CUL1: variants seen among roughly 807,000 people sequenced by gnomAD.
CUL1 encodes the protein cullin 1, also known as cullin-1.
A neutral mutation model predicts 118.0 loss-of-function variants in CUL1; 24 were observed. The ratio of observed to expected loss-of-function variants is 0.20; its 90% CI spans 0.15 to 0.29. The LOEUF (loss-of-function observed/expected upper bound fraction) is 0.29. Among genes scored for constraint, CUL1 ranks in the 10% least tolerant of loss-of-function variants. CUL1 has a pLI of 1.00. For synonymous variants in CUL1, 332 were observed against 340.4 expected (o/e 0.98, Z 0.27); for missense variants, 361 against 933.8 (o/e 0.39, Z 7.99).
At chr7:148,720,855 A>G (rs921894635) in intron 1 of CUL1, among the ~76,000 whole-genome samples, 6 of 152,216 alleles carry the variant, frequency 3.9e-5, no homozygotes, top group Non-Finnish European at 2.9e-5. Flanking sequence ...TACTCCTGAA[A>G]TTATTAACTT....
chr7:148,798,116 C>T lies in CUL1; in HGVS notation c.2030+97C>T, dbSNP rs147842088. ...AGTATTGTTACAAACCAAGGGAGAC[C>T]GGGGACTCAGTGTGAAGCGACAGGC... On this transcript the variant is annotated intron_variant, in intron 19 of 21. Transcript: ENST00000325222. 1.9e-3 allele frequency: 1,290 copies of T among 692,412 alleles called. 2 individuals carry two copies. The highest frequency in any genetic ancestry group is 2.7e-3 in the Non-Finnish European group (1,111 of 414,356). 42.9% of individuals were successfully genotyped at this position (692,412 alleles called of 1,614,324 possible). A position where few individuals can be genotyped will look rare whatever the true frequency, so the allele number is the denominator to read the frequency against.
In CUL1 at chr7:148,708,214, C is replaced by G. The variant is rs144489556; in HGVS notation, c.-162+9185C>G. Among the ~76,000 whole-genome samples, 972 of 152,316 alleles carry G rather than the reference C, an allele frequency of 6.4e-3. 7 individuals carry two copies. Among genetic ancestry groups the G allele is most frequent in the Middle Eastern group, 0.01 (3 of 294 alleles). On this transcript the variant is annotated intron_variant, in intron 1 of 21. Coordinates refer to ENST00000325222, the MANE Select transcript of CUL1 (RefSeq NM_003592.3). ...AACTTCAGCTGAGAGCCTTGCAGTC[C>G]TGCTAATAGCCTTCAGGGCTTTTGC...
At chr7:148,739,813 A>G (rs1356951553) in intron 2 of CUL1, among the ~76,000 whole-genome samples, 2 of 152,070 alleles carry the variant, frequency 1.3e-5, no homozygotes, top group Non-Finnish European at 2.9e-5. Context: ...GATCTCAAAT[A>G]TATTTTGTGT....
At chr7:148,791,845 G>A (rs1011858714) in intron 16 of CUL1, among the ~76,000 whole-genome samples, 6 of 152,224 alleles carry the variant, frequency 3.9e-5, no homozygotes, top group East Asian at 1.9e-4. Flanking sequence ...GTGTTCATTC[G>A]CTTGCACACA....
chr7:148,800,819 G>T lies in CUL1; in HGVS notation c.*237G>T. On this transcript the variant is annotated 3_prime_UTR_variant, in exon 22 of 22. Coordinates refer to ENST00000325222, the MANE Select transcript of CUL1 (RefSeq NM_003592.3). This position sits in a 1 kb window ranked among gnomAD's most constrained non-coding sequence, Gnocchi z 4.6. ...TTTACCCTAATTTAAGAACAGCGGG[G>T]ACTGACCCTCCGTGCCGAGGGCTGC... 2.3e-6 allele frequency: 1 copy of T among 433,802 alleles called. No homozygotes were observed. Among genetic ancestry groups the T allele is most frequent in the African/African-American group, 2.0e-5 (1 of 49,408 alleles). The allele number at this position is 433,802 out of a possible 1,614,324, so 26.9% of individuals were successfully genotyped here.
intron 5 of CUL1, 76 bp downstream of exon 5, chr7:148,759,430 C>CA: frequency 6.6e-7 from 1 of 1,515,432 alleles, no homozygotes; most frequent in Non-Finnish European, 9.2e-7. Flanking sequence ...TTTGTCTCGT[C>CA]ACTCCTTCGG....
Position 148,737,575 on chromosome 7 carries a change from TA to T in CUL1, c.140+7314del, listed in dbSNP as rs1206869618. 9.4e-5 allele frequency among the ~76,000 whole-genome samples: 11 copies of T among 116,652 alleles called. No homozygotes were observed. The East Asian group carries it at 2.0e-3, about 22-fold the overall frequency. 76.5% of individuals were successfully genotyped at this position (116,652 alleles called of 152,430 possible). A position where few individuals can be genotyped will look rare whatever the true frequency, so the allele number is the denominator to read the frequency against. ...GTGTGTGTGTATATATATATATTTT[TA>T]TATTTATTTATTTATTTATTTATTT... On this transcript the variant is annotated intron_variant, in intron 2 of 21. Transcript: ENST00000325222.
intron 17 of CUL1, among the ~76,000 whole-genome samples, chr7:148,794,576 G>C (rs996962885): frequency 6.6e-6 from 1 of 152,138 alleles, no homozygotes; most frequent in African/African-American, 2.4e-5. Context: ...TGAATTTCAA[G>C]ATCAGCTTGT....
chr7:148,783,806 A>C lies in CUL1; in HGVS notation c.1107A>C (p.Thr369=), dbSNP rs766675341. 2 of 1,614,240 alleles carry C rather than the reference A, an allele frequency of 1.2e-6. No individual in the cohort carries two copies. Among genetic ancestry groups the C allele is most frequent in the East Asian group, 2.2e-5 (1 of 44,890 alleles). The change falls in exon 10 of 22, where the codon ACA becomes ACC. Residue 369 remains threonine (T), a synonymous_variant. Coordinates refer to ENST00000325222, the MANE Select transcript of CUL1 (RefSeq NM_003592.3). ...AGGACCCCAAAATGTATGTACAGAC[A>C]GTGCTTGATGTTCATAAAAAATACA... is the stretch of plus-strand genomic sequence containing the variant. ...ALNDPKMYVQ[T]VLDVHKKYNA...
At chr7:148,698,691 C>T (rs1284200384), upstream of CUL1, 2 of 152,024 alleles carry the variant, frequency 1.3e-5, no homozygotes, top group African/African-American at 2.4e-5. Context: ...TCCCGGCTCC[C>T]CCGCCCCGGA....
intron 2 of CUL1, among the ~76,000 whole-genome samples, chr7:148,736,432 T>C (rs952866854): frequency 3.9e-5 from 6 of 152,050 alleles, no homozygotes; most frequent in Non-Finnish European, 8.8e-5. Flanking sequence ...CTCAACCTCC[T>C]GAGTAGCTGT....
At chr7:148,730,361 G>A in intron 2 of CUL1, 99 bp downstream of exon 2, 1 of 1,296,554 alleles carries the variant, frequency 7.7e-7, no homozygotes, top group Non-Finnish European at 1.0e-6. Flanking sequence ...TCTCCTCCCA[G>A]TTCATCATGT....
intron 12 of CUL1, 121 bp downstream of exon 12, chr7:148,786,720 C>G: frequency 1.1e-6 from 1 of 931,274 alleles, no homozygotes; most frequent in Non-Finnish European, 1.6e-6. Flanking sequence ...TATTTTGAAT[C>G]TCTGGTTTTA....
intron 14 of CUL1, among the ~76,000 whole-genome samples, chr7:148,789,110 T>G (rs1193519843): frequency 6.6e-6 from 1 of 152,204 alleles, no homozygotes; most frequent in Admixed American, 6.5e-5. Flanking sequence ...GCTGGTATTT[T>G]AGGGCCTTGC....
intron 2 of CUL1, 59 bp downstream of exon 2, chr7:148,730,321 C>G: frequency 6.7e-7 from 1 of 1,497,080 alleles, no homozygotes; most frequent in South Asian, 1.3e-5. Flanking sequence ...ACTAGTATGA[C>G]TTATGAATTA....
intron 2 of CUL1, among the ~76,000 whole-genome samples, chr7:148,752,882 G>A (rs925784851): frequency 1.3e-5 from 2 of 152,208 alleles, no homozygotes; most frequent in Non-Finnish European, 2.9e-5. Flanking sequence ...TCAATCTCCT[G>A]ACCTTGTGAT....
rs766365722 is a variant in CUL1, at chr7:148,730,099, G to T, written c.-24G>T. 3.1e-6 allele frequency: 5 copies of T among 1,607,536 alleles called. No homozygotes were observed. The highest frequency in any genetic ancestry group is 4.2e-6 in the Non-Finnish European group (5 of 1,176,888). On this transcript the variant is annotated 5_prime_UTR_variant, in exon 2 of 22. Transcript: ENST00000325222. ...ACTTTGAATAAGGATTGCTGCACTG[G>T]ACGACTTTAGAACATCCCTCACAAT... is the stretch of plus-strand genomic sequence containing the variant.
At chr7:148,744,653 C>T (rs1419236382) in intron 2 of CUL1, among the ~76,000 whole-genome samples, 1 of 152,044 alleles carries the variant, frequency 6.6e-6, no homozygotes, top group African/African-American at 2.4e-5. Flanking sequence ...TTTAAACCAT[C>T]CTTTGTATTT....
At chr7:148,700,588 A>T (rs1022154454) in intron 1 of CUL1, among the ~76,000 whole-genome samples, 1 of 152,218 alleles carries the variant, frequency 6.6e-6, no homozygotes, top group African/African-American at 2.4e-5. Flanking sequence ...GTTGTTTTCC[A>T]TGGTGAGTCG....
Sources: allele counts gnomAD v4.1 joint callset (sites outside exome capture counted in the v4.1 genomes callset), GRCh38; gene constraint gnomAD v4.1.1; non-coding constraint Gnocchi (gnomAD v3.1); transcripts MANE v1.5; gene names NCBI Gene and HGNC (gene_info 2026-07-23, HGNC 2026-07-21).